MID1: variants seen among roughly 807,000 people sequenced by gnomAD.
MID1 encodes midline 1.
MID1 carries 7 observed loss-of-function variants against 40.4 expected under a neutral mutation model. The ratio of observed to expected loss-of-function variants is 0.17; its 90% CI spans 0.10 to 0.33. The LOEUF is 0.33. Among genes scored for constraint, MID1 ranks in the 10% least tolerant of loss-of-function variants. The pLI is 1.00. For synonymous variants in MID1, 229 were observed against 221.2 expected (o/e 1.04, Z -0.31); for missense variants, 367 against 558.5 (o/e 0.66, Z 3.46).
intron 1 of MID1, among the ~76,000 whole-genome samples, chrX:10,635,408 A>G (rs1372787392): frequency 8.9e-6 from 1 of 112,264 alleles, no homozygotes. Context: ...GTTTCATGGT[A>G]TCTCAAGAAT....
chrX:10,639,328 C>T (rs770974065), intron 1 of MID1, among the ~76,000 whole-genome samples: 2 of 111,764 alleles, frequency 1.8e-5, no homozygotes, highest in African/African-American at 3.3e-5. Context: ...AATGACCTGA[C>T]TGAGCTGAAA....
intron 1 of MID1, among the ~76,000 whole-genome samples, chrX:10,638,302 C>T (rs892890428): frequency 8.9e-6 from 1 of 111,996 alleles, no homozygotes; most frequent in African/African-American, 3.2e-5. Flanking sequence ...GGGACACTCC[C>T]ACCCTAATAC....
intron 2 of MID1, among the ~76,000 whole-genome samples, chrX:10,546,841 C>T (rs986059545): frequency 8.9e-6 from 1 of 112,116 alleles, no homozygotes; most frequent in Admixed American, 9.4e-5. Flanking sequence ...CACATATGTG[C>T]GAGAGATAAA....
chrX:10,506,291 G>A, intron 3 of MID1: 1 of 1,018,943 alleles, frequency 9.8e-7, no homozygotes, highest in Non-Finnish European at 1.2e-6. Context: ...GACATGGTTG[G>A]CAGTTGTATC....
chrX:10,815,398 C>G (rs1010506287), intron 1 of MID1, among the ~76,000 whole-genome samples: 56 of 112,109 alleles, frequency 5.0e-4, no homozygotes, highest in African/African-American at 1.8e-3. Flanking sequence ...AAATTACAGA[C>G]AGAAGCAGCC....
chrX:10,532,011 T>C (rs1269241985), intron 2 of MID1, among the ~76,000 whole-genome samples: 5 of 112,680 alleles, frequency 4.4e-5, no homozygotes, highest in African/African-American at 1.6e-4. Context: ...AAAATGCTTC[T>C]AAGAATAAGT....
intron 1 of MID1, among the ~76,000 whole-genome samples, chrX:10,660,405 A>G (rs761141285): frequency 4.4e-5 from 5 of 112,378 alleles, no homozygotes; most frequent in Non-Finnish European, 9.4e-5. Flanking sequence ...CAATCACCAC[A>G]GCGCTGGGGC....
intron 1 of MID1, among the ~76,000 whole-genome samples, chrX:10,768,333 T>C (rs1183073968): frequency 8.9e-6 from 1 of 111,763 alleles, no homozygotes; most frequent in East Asian, 2.8e-4. Context: ...AAAATAAGAA[T>C]GCCAGTCTTA....
At chrX:10,534,579 C>T (rs1260181051) in intron 2 of MID1, among the ~76,000 whole-genome samples, 1 of 111,218 alleles carries the variant, frequency 9.0e-6, no homozygotes, top group Non-Finnish European at 1.9e-5. Flanking sequence ...AGGAAAATGC[C>T]CTTTTCTGGA....
intron 1 of MID1, among the ~76,000 whole-genome samples, chrX:10,637,330 T>C (rs751570956): frequency 2.2e-4 from 24 of 109,833 alleles, no homozygotes; most frequent in African/African-American, 8.0e-4. Flanking sequence ...TTTTTTTTAG[T>C]AATTAACCAG....
At chrX:10,568,142 C>A (rs1934624694) in intron 1 of MID1, among the ~76,000 whole-genome samples, 1 of 111,707 alleles carries the variant, frequency 9.0e-6, no homozygotes, top group African/African-American at 3.3e-5. Context: ...TACATGAAAT[C>A]AAATGTGGGG....
At chrX:10,729,994 G>C (rs1249285707) in intron 1 of MID1, among the ~76,000 whole-genome samples, 1 of 108,848 alleles carries the variant, frequency 9.2e-6, no homozygotes, top group Non-Finnish European at 1.9e-5. Context: ...TGAGGCGAGA[G>C]AATGGCGTGA....
chrX:10,792,051 C>T (rs2043935582), intron 1 of MID1, among the ~76,000 whole-genome samples: 1 of 111,574 alleles, frequency 9.0e-6, no homozygotes, highest in African/African-American at 3.3e-5. Context: ...CACTGAGGTC[C>T]TATCCTCAGT....
intron 1 of MID1, among the ~76,000 whole-genome samples, chrX:10,772,391 G>T (rs2043776562): frequency 9.1e-6 from 1 of 109,638 alleles, no homozygotes; most frequent in Admixed American, 9.9e-5. Context: ...ATGACACAAT[G>T]GACTTTGGGG....
intron 1 of MID1, among the ~76,000 whole-genome samples, chrX:10,656,630 G>T (rs146179081): frequency 0.012 from 1,317 of 111,560 alleles, 12 homozygotes; most frequent in Non-Finnish European, 0.019. Flanking sequence ...GTTAGATTGA[G>T]ATTCCCATAC....
At chrX:10,605,965 C>T (rs1000684692) in intron 1 of MID1, among the ~76,000 whole-genome samples, 1 of 110,914 alleles carries the variant, frequency 9.0e-6, no homozygotes, top group Non-Finnish European at 1.9e-5. Context: ...TTAGCGTTCC[C>T]GGGAGATTCA....
chrX:10,647,249 T>C (rs1286382800), intron 1 of MID1, among the ~76,000 whole-genome samples: 1 of 111,909 alleles, frequency 8.9e-6, no homozygotes, highest in Non-Finnish European at 1.9e-5. Context: ...ATCAGATCTA[T>C]GTCTTCCAGC....
chrX:10,505,521 A>C, intron 3 of MID1: 1 of 753,982 alleles, frequency 1.3e-6, no homozygotes, highest in Non-Finnish European at 1.6e-6. Context: ...GAATGAAAAG[A>C]AATCTACTTA....
intron 2 of MID1, among the ~76,000 whole-genome samples, chrX:10,533,953 G>C (rs1444926161): frequency 9.0e-6 from 1 of 110,974 alleles, no homozygotes; most frequent in African/African-American, 3.3e-5. Context: ...GTGCCGACTG[G>C]ATAAGGAATT....
Sources: allele counts gnomAD v4.1 joint callset (sites outside exome capture counted in the v4.1 genomes callset), GRCh38; gene constraint gnomAD v4.1.1; transcripts MANE v1.5; gene names NCBI Gene and HGNC (gene_info 2026-07-23, HGNC 2026-07-21).